The following LRBA variants were observed in gnomAD, a reference collection of about 807,000 sequenced individuals.
LRBA encodes the protein LPS responsive beige-like anchor protein, also known as lipopolysaccharide-responsive and beige-like anchor protein.
A neutral mutation model predicts 330.0 loss-of-function variants in LRBA; 176 were observed. The observed-to-expected ratio is 0.53, with a 90% confidence interval of 0.47 to 0.60. The LOEUF is 0.60. LRBA is among the 20% of genes least tolerant of loss of function. The pLI, the probability that LRBA is intolerant of heterozygous loss-of-function variation, is 0.00. For synonymous variants in LRBA, 1,230 were observed against 1,193.0 expected, an observed-to-expected ratio of 1.03 and a Z score of -0.64; for missense variants, 3,259 against 3,444.8, an observed-to-expected ratio of 0.95 and a Z score of 1.35.
At chr4:150,709,881 TA>T (rs1445701108) in intron 36 of LRBA, among the ~76,000 whole-genome samples, 1 of 151,930 alleles carries the variant, frequency 6.6e-6, no homozygotes, top group Non-Finnish European at 1.5e-5. Context: ...AAGGAAAATC[TA>T]AAAGATGAGT....
intron 37 of LRBA, among the ~76,000 whole-genome samples, chr4:150,647,032 A>C (rs1474192608): frequency 6.6e-6 from 1 of 152,120 alleles, no homozygotes; most frequent in Non-Finnish European, 1.5e-5. Flanking sequence ...GTCCTGAAGC[A>C]CCAGAAATGT....
At chr4:150,692,148 G>A (rs1184420645) in intron 36 of LRBA, among the ~76,000 whole-genome samples, 1 of 151,992 alleles carries the variant, frequency 6.6e-6, no homozygotes, top group African/African-American at 2.4e-5. Flanking sequence ...TCCTCAAATT[G>A]TATACTTAAA....
At chr4:150,579,538 G>C in intron 40 of LRBA, 1 of 404,194 alleles carries the variant, frequency 2.5e-6, no homozygotes, top group Non-Finnish European at 5.0e-6. Context: ...GGGTAAATTG[G>C]TAATGAATTG....
intron 47 of LRBA, among the ~76,000 whole-genome samples, chr4:150,379,757 T>C (rs1741916168): frequency 6.6e-6 from 1 of 152,238 alleles, no homozygotes; most frequent in Non-Finnish European, 1.5e-5. Context: ...GCTGGACTTC[T>C]TGGCTTTGTT....
chr4:151,014,814 G>C lies in LRBA; in HGVS notation c.-172C>G, dbSNP rs1016748978. The C allele has an allele frequency of 5.2e-6, 3 of 576,942 alleles. No homozygotes were observed. The highest frequency in any genetic ancestry group is 9.3e-6 in the Non-Finnish European group (3 of 324,108). The allele number at this position is 576,942 out of a possible 1,614,324, so 35.7% of individuals were successfully genotyped here. On this transcript the variant is annotated 5_prime_UTR_variant, in exon 2 of 57. Transcript: ENST00000651943. The stretch of plus-strand genomic sequence containing the variant: ...TTGGCGTCGCCCTCCTCCTCTTGGA[G>C]AATATTTGTCCAATCTCTCTCCCCG...
At chr4:150,344,225 C>T (rs1735973195) in intron 48 of LRBA, among the ~76,000 whole-genome samples, 1 of 152,074 alleles carries the variant, frequency 6.6e-6, no homozygotes, top group Non-Finnish European at 1.5e-5. Flanking sequence ...GACAAAAATG[C>T]TCTTAAATTG....
At chr4:150,496,492 T>TA (rs78228390) in intron 40 of LRBA, among the ~76,000 whole-genome samples, 17 of 151,780 alleles carry the variant, frequency 1.1e-4, no homozygotes, top group South Asian at 2.1e-4. Flanking sequence ...TTTATTTTTT[T>TA]AAAAAAAACT....
intron 44 of LRBA, among the ~76,000 whole-genome samples, chr4:150,448,216 C>T (rs1206467348): frequency 6.6e-6 from 1 of 152,196 alleles, no homozygotes; most frequent in African/African-American, 2.4e-5. Context: ...ACATAAGACC[C>T]TTCTTAAAGA....
At chr4:150,705,342 G>T (rs1210904089) in intron 36 of LRBA, among the ~76,000 whole-genome samples, 3 of 152,012 alleles carry the variant, frequency 2.0e-5, no homozygotes, top group Admixed American at 2.0e-4. Context: ...GCAGATTTTT[G>T]AAAATGTGAA....
chr4:150,297,531 C>T (rs912716218), intron 53 of LRBA, among the ~76,000 whole-genome samples: 8 of 152,196 alleles, frequency 5.3e-5, no homozygotes, highest in Admixed American at 3.9e-4. Flanking sequence ...TGTAGTGTGA[C>T]AGTACATTCC....
chr4:150,446,982 G>A (rs1332862845), intron 44 of LRBA, among the ~76,000 whole-genome samples: 1 of 152,112 alleles, frequency 6.6e-6, no homozygotes, highest in Non-Finnish European at 1.5e-5. Flanking sequence ...GTAGTACAGT[G>A]ATAATCAATA....
At chr4:150,410,090 A>C (rs925083794) in intron 47 of LRBA, among the ~76,000 whole-genome samples, 2 of 152,148 alleles carry the variant, frequency 1.3e-5, no homozygotes, top group African/African-American at 4.8e-5. Context: ...TTTCAATTCC[A>C]AAAATTTTTT....
At chr4:150,904,978 T>G (rs1000210770) in intron 13 of LRBA, among the ~76,000 whole-genome samples, 4 of 152,138 alleles carry the variant, frequency 2.6e-5, no homozygotes, top group Non-Finnish European at 5.9e-5. Flanking sequence ...AAAACTGGGC[T>G]TGAAATAACA....
intron 37 of LRBA, among the ~76,000 whole-genome samples, chr4:150,632,742 C>A (rs1777513742): frequency 6.6e-6 from 1 of 152,176 alleles, no homozygotes; most frequent in African/African-American, 2.4e-5. Context: ...CAATTATCAT[C>A]CAACAACTAA....
At chr4:150,906,894 C>A (rs1225041291) in intron 11 of LRBA, among the ~76,000 whole-genome samples, 1 of 151,906 alleles carries the variant, frequency 6.6e-6, no homozygotes, top group Non-Finnish European at 1.5e-5. Flanking sequence ...GAGCAGAGGG[C>A]ACATGAAGAG....
chr4:150,400,957 C>T (rs1477979784), intron 47 of LRBA, among the ~76,000 whole-genome samples: 1 of 152,190 alleles, frequency 6.6e-6, no homozygotes, highest in East Asian at 1.9e-4. Flanking sequence ...GAGTCTTAAA[C>T]TCCAGTACCT....
chr4:150,873,801 T>A (rs112638204), intron 17 of LRBA, among the ~76,000 whole-genome samples: 2 of 152,260 alleles, frequency 1.3e-5, no homozygotes, highest in Non-Finnish European at 2.9e-5. Flanking sequence ...GTTTAGTAAG[T>A]TAGAAAACAT....
chr4:150,267,219 CCAA>C (rs1168747850), intron 56 of LRBA, among the ~76,000 whole-genome samples: 2 of 152,120 alleles, frequency 1.3e-5, no homozygotes, highest in Admixed American at 6.5e-5. Context: ...GAACACCTTC[CCAA>C]CAACAATAGA....
At position 150,683,499 on chromosome 4, in the gene LRBA, C is replaced by T; in HGVS notation, c.5921+52G>A. On this transcript the variant is annotated intron_variant, in intron 37 of 56. Transcript: ENST00000651943. ...TCATATCCAAAGTCATTTATCTAAA[C>T]CTAAGCCATCTACAGAAAATCAGTG... The T allele has an allele frequency of 2.8e-6, 4 of 1,418,246 alleles. No individual in the cohort carries two copies. In the South Asian group the frequency reaches 3.6e-5, roughly 13 times the overall value. The allele number at this position is 1,418,246 out of a possible 1,614,324, so 87.9% of individuals were successfully genotyped here.
Sources: allele counts gnomAD v4.1 joint callset (sites outside exome capture counted in the v4.1 genomes callset), GRCh38; gene constraint gnomAD v4.1.1; transcripts MANE v1.5; gene names NCBI Gene and HGNC (gene_info 2026-07-23, HGNC 2026-07-21).